TRIOBP: variants seen among roughly 807,000 people sequenced by gnomAD.
TRIOBP encodes TRIO and F-actin binding protein, also known as TRIO and F-actin-binding protein.
A neutral mutation model predicts 238.8 loss-of-function variants in TRIOBP; 169 were observed. That is an observed-to-expected ratio of 0.71 (90% CI 0.62 to 0.80). The LOEUF is 0.80. Among genes scored for constraint, TRIOBP ranks in the 30% least tolerant of loss-of-function variants. TRIOBP has a pLI of 0.00. For missense variants in TRIOBP, 2,838 were observed against 3,122.6 expected (o/e 0.91, Z 2.17); for synonymous variants, 1,150 against 1,274.4 (o/e 0.90, Z 2.08).
intron 15 of TRIOBP, among the ~76,000 whole-genome samples, chr22:37,756,830 C>T (rs1466701194): frequency 6.6e-6 from 1 of 152,236 alleles, no homozygotes; most frequent in Non-Finnish European, 1.5e-5. Flanking sequence ...TTCAGAGTCT[C>T]TGCAACTTGT....
At chr22:37,759,949 T>C (rs1408433338) in intron 17 of TRIOBP, 2 of 241,500 alleles carry the variant, frequency 8.3e-6, no homozygotes, top group East Asian at 2.5e-4. Context: ...ATAATTTTAT[T>C]GTGAATTCCG....
intron 7 of TRIOBP, among the ~76,000 whole-genome samples, chr22:37,732,136 CT>C (rs1424485773): frequency 2.0e-5 from 3 of 152,134 alleles, no homozygotes; most frequent in Non-Finnish European, 4.4e-5. Flanking sequence ...GTGGTTGGGC[CT>C]TTTGTTGTGA....
intron 7 of TRIOBP, among the ~76,000 whole-genome samples, chr22:37,730,879 G>A (rs193264729): frequency 3.3e-5 from 5 of 151,136 alleles, no homozygotes; most frequent in Admixed American, 2.0e-4. Flanking sequence ...ACCAGAAGGC[G>A]GAGGTTGCAG....
chr22:37,725,198 C>T lies in TRIOBP; in HGVS notation c.2642C>T (p.Ser881Leu), dbSNP rs555180357. The change falls in exon 7 of 24, where the codon TCA becomes TTA. Residue 881 changes from serine (S) to leucine (L), a missense_variant. Ser to Leu is a moderately radical substitution (Grantham distance 145). Coordinates refer to ENST00000644935, the MANE Select transcript of TRIOBP (RefSeq NM_001039141.3). ...ACCCAAAAGGAGAATCTGAGACCAT[C>T]ATCTCCCCACCGCTCCACTCAATGG... ...CCTQKENLRP[S>L]SPHRSTQWNN... The T allele has an allele frequency of 6.3e-5, 101 of 1,614,094 alleles. 1 individual carries two copies. The South Asian group carries it at 1.0e-3, about 17-fold the overall frequency.
intron 5 of TRIOBP, 62 bp downstream of exon 5, chr22:37,713,473 G>A: frequency 6.3e-7 from 1 of 1,581,066 alleles, no homozygotes; most frequent in South Asian, 1.1e-5. Flanking sequence ...GCAGCCCTGG[G>A]TCCCACCTAA....
chr22:37,728,343 AGTATT>A (rs1310659480), intron 7 of TRIOBP, among the ~76,000 whole-genome samples: 2 of 151,950 alleles, frequency 1.3e-5, no homozygotes, highest in Non-Finnish European at 2.9e-5. Flanking sequence ...CTGAGGCAGC[AGTATT>A]GCCTGAATTT....
In TRIOBP at chr22:37,733,369, G is replaced by A. The variant is rs759205055; in HGVS notation, c.4019G>A (p.Ser1340Asn). 9 of 1,551,460 alleles carry A rather than the reference G, an allele frequency of 5.8e-6. No individual in the cohort carries two copies. In the South Asian group the frequency reaches 9.5e-5, roughly 16 times the overall value. Reference sequence around the variant, plus strand: ...TCACAGCAGCCCAGCCAAGGCCAGAGCCAACTTCTCCGAAGACAGTCCAGC... The same window carrying A: ...TCACAGCAGCCCAGCCAAGGCCAGAACCAACTTCTCCGAAGACAGTCCAGC... ...GRSQQPSQGQ[S>N]QLLRRQSSPA... Residue 1340 changes from serine (S) to asparagine (N), a missense_variant, in exon 8 of 24, where the codon AGC becomes AAC. Ser to Asn is a conservative substitution (Grantham distance 46). Around this residue, in one of 5 missense-constraint regions of TRIOBP, gnomAD observed 2,096 missense variants for 2,137.4 expected, o/e 0.98. Coordinates refer to ENST00000644935, the MANE Select transcript of TRIOBP (RefSeq NM_001039141.3).
intron 11 of TRIOBP, chr22:37,750,859 C>A (rs1375226171): frequency 7.3e-6 from 3 of 412,862 alleles, no homozygotes; most frequent in Non-Finnish European, 1.5e-5. Context: ...CCATGCCACC[C>A]GTTCTCTGCA....
At chr22:37,764,515 T>C (rs1479745123) in intron 17 of TRIOBP, among the ~76,000 whole-genome samples, 1 of 152,246 alleles carries the variant, frequency 6.6e-6, no homozygotes, top group African/African-American at 2.4e-5. Flanking sequence ...ATTTAGATTG[T>C]TTCCAGTTTT....
At chr22:37,721,441 G>T (rs1046414537) in intron 6 of TRIOBP, among the ~76,000 whole-genome samples, 4 of 152,224 alleles carry the variant, frequency 2.6e-5, no homozygotes, top group African/African-American at 9.7e-5. Context: ...GGCGTGAAGG[G>T]AGGGGATCTG....
Position 37,746,399 on chromosome 22 carries a change from G to C in TRIOBP, c.5322+5367G>C, listed in dbSNP as rs747083096. On this transcript the variant is annotated intron_variant, in intron 11 of 23. Coordinates refer to ENST00000644935, the MANE Select transcript of TRIOBP (RefSeq NM_001039141.3). The stretch of plus-strand genomic sequence containing the variant: ...CACGTTCCTGCCTCCTGCTCCCGCC[G>C]CCCTGGGGCGCCGCCATGACGGTGA... 5.0e-6 allele frequency: 7 copies of C among 1,409,604 alleles called. No homozygotes were observed. In the East Asian group the frequency reaches 2.2e-4, roughly 44 times the overall value. The allele number at this position is 1,409,604 out of a possible 1,614,324, so 87.3% of individuals were successfully genotyped here.
At chr22:37,711,998 G>T (rs1923273792) in intron 4 of TRIOBP, among the ~76,000 whole-genome samples, 1 of 152,066 alleles carries the variant, frequency 6.6e-6, no homozygotes, top group African/African-American at 2.4e-5. Context: ...ATCCTCGTTA[G>T]CCAAGCATGA....
rs1026569212 is a variant in TRIOBP, at chr22:37,774,122, TTAAAA to T, written c.*343_*347del. 1 of 93,542 alleles carries T rather than the reference TTAAAA, an allele frequency of 1.1e-5. No individual in the cohort carries two copies. Among genetic ancestry groups the T allele is most frequent in the African/African-American group, 5.6e-5 (1 of 17,814 alleles). 5.8% of individuals were successfully genotyped at this position (93,542 alleles called of 1,614,324 possible). On this transcript the variant is annotated 3_prime_UTR_variant, in exon 24 of 24. Coordinates refer to ENST00000644935, the MANE Select transcript of TRIOBP (RefSeq NM_001039141.3). ...CTTTTTTTCCAAAACACTTTATACT[TTAAAA>T]AAAAAAAAAAAAAGCAATTCCTGGT...
rs1926453457 is a variant in TRIOBP at position 37,765,676 on chromosome 22, T to C, written c.6331T>C (p.Cys2111Arg). The change falls in exon 18 of 24, where the codon TGT (cysteine) becomes CGT (arginine). Residue 2111 changes from cysteine to arginine, a missense_variant. By Grantham distance (180) the Cys-to-Arg change is radical (BLOSUM62 -3). Around this residue, in one of 5 missense-constraint regions of TRIOBP, gnomAD observed 2,096 missense variants for 2,137.4 expected, o/e 0.98. Coordinates refer to ENST00000644935, the MANE Select transcript of TRIOBP (RefSeq NM_001039141.3). Reference protein sequence around the residue: ...IPPGYISQEACERSLAEMESS... With the variant: ...IPPGYISQEARERSLAEMESS... ...CCTGGCGTCCGGCCCACAGGAGGCATGTGAGCGCAGCCTGGCAGAGATGGA... is the reference window on the plus strand; with the variant it reads ...CCTGGCGTCCGGCCCACAGGAGGCACGTGAGCGCAGCCTGGCAGAGATGGA... 1.3e-6 allele frequency: 2 copies of C among 1,550,280 alleles called. No homozygotes were observed. Among genetic ancestry groups the C allele is most frequent in the Non-Finnish European group, 1.7e-6 (2 of 1,147,278 alleles).
In TRIOBP at chr22:37,701,319, G is replaced by T; in HGVS notation, c.-47G>T. On this transcript the variant is annotated 5_prime_UTR_variant, in exon 3 of 24. Coordinates refer to ENST00000644935, the MANE Select transcript of TRIOBP (RefSeq NM_001039141.3). ...CATTTTTGCCAGGCCTCACATAGAC[G>T]GTCAGCCATTGGATCATAGGAACTG... The T allele has an allele frequency of 6.7e-7, 1 of 1,490,688 alleles. No individual in the cohort carries two copies. Among genetic ancestry groups the T allele is most frequent in the South Asian group, 1.2e-5 (1 of 84,968 alleles). 92.3% of individuals were successfully genotyped at this position (1,490,688 alleles called of 1,614,324 possible). A position where few individuals can be genotyped will look rare whatever the true frequency, so the allele number is the denominator to read the frequency against.
At chr22:37,712,414 C>T (rs1452698775) in intron 4 of TRIOBP, among the ~76,000 whole-genome samples, 1 of 152,060 alleles carries the variant, frequency 6.6e-6, no homozygotes, top group East Asian at 2.0e-4. Context: ...TCACTGCAAC[C>T]TCCACCTCCT....
intron 12 of TRIOBP, among the ~76,000 whole-genome samples, chr22:37,753,077 A>G (rs143102166): frequency 2.7e-3 from 404 of 152,242 alleles, no homozygotes; most frequent in Non-Finnish European, 4.5e-3. Flanking sequence ...CAGAGAGGCA[A>G]TTGAGGTCTG....
At chr22:37,761,368 C>T (rs555324016) in intron 17 of TRIOBP, among the ~76,000 whole-genome samples, 129 of 152,190 alleles carry the variant, frequency 8.5e-4, no homozygotes, top group Non-Finnish European at 1.3e-3. Flanking sequence ...GCAGGAGAAT[C>T]GCTTGAACCC....
intron 11 of TRIOBP, among the ~76,000 whole-genome samples, chr22:37,749,280 G>A (rs1191041155): frequency 2.6e-5 from 4 of 152,076 alleles, no homozygotes; most frequent in Admixed American, 6.5e-5. Flanking sequence ...GCTTCAACCC[G>A]GGAGGTGGAG....
Sources: gnomAD v4.1 joint callset for allele counts (sites outside exome capture counted in the v4.1 genomes callset) on GRCh38, gnomAD v4.1.1 for gene constraint, gnomAD v4.1.1 regional missense constraint, MANE v1.5 for transcripts, NCBI Gene and HGNC (gene_info 2026-07-23, HGNC 2026-07-21) for gene names.